Variants in NAALADL2 observed in about 807,000 individuals in gnomAD.
NAALADL2 encodes the protein inactive N-acetylated-alpha-linked acidic dipeptidase-like protein 2.
A neutral mutation model predicts 87.2 loss-of-function variants in NAALADL2; 76 were observed. The ratio of observed to expected loss-of-function variants is 0.87; its 90% CI spans 0.72 to 1.05. The LOEUF (loss-of-function observed/expected upper bound fraction) is 1.05. Among genes scored for constraint, NAALADL2 ranks in the 50% least tolerant of loss-of-function variants. NAALADL2 has a pLI of 0.00. For missense variants in NAALADL2, 1,089 were observed against 945.8 expected, an observed-to-expected ratio of 1.15 and a Z score of -1.99; for synonymous variants, 354 against 331.0, an observed-to-expected ratio of 1.07 and a Z score of -0.75.
At chr3:174,781,219 C>T (rs1278046569) in intron 3 of NAALADL2, among the ~76,000 whole-genome samples, 1 of 151,916 alleles carries the variant, frequency 6.6e-6, no homozygotes, top group Non-Finnish European at 1.5e-5. Context: ...CATTTTTTTC[C>T]TTCATTTCAA....
chr3:175,236,499 G>A (rs1188864079), intron 3 of NAALADL2, among the ~76,000 whole-genome samples: 2 of 143,702 alleles, frequency 1.4e-5, no homozygotes, highest in Non-Finnish European at 3.0e-5. Context: ...AGTCAGCCAA[G>A]ATTGCCCCAT....
intron 9 of NAALADL2, among the ~76,000 whole-genome samples, chr3:175,538,465 G>A (rs535051589): frequency 3.9e-5 from 6 of 151,994 alleles, no homozygotes; most frequent in Admixed American, 6.6e-5. Context: ...ATATAATGGT[G>A]TCTACATCAC....
chr3:175,542,126 T>G (rs1712458615), intron 9 of NAALADL2, among the ~76,000 whole-genome samples: 2 of 152,284 alleles, frequency 1.3e-5, no homozygotes, highest in Non-Finnish European at 2.9e-5. Flanking sequence ...TTATATGAAA[T>G]GACTGTTAGT....
chr3:174,472,668 G>C (rs1027033332), intron 1 of NAALADL2, among the ~76,000 whole-genome samples: 4 of 151,782 alleles, frequency 2.6e-5, no homozygotes, highest in African/African-American at 4.8e-5. Context: ...TTTTTTTGTT[G>C]TCATTGTCAT....
Position 175,577,878 on chromosome 3 carries a change from G to A in NAALADL2, c.1800+1691G>A, listed in dbSNP as rs986667980. Among the ~76,000 whole-genome samples, 16 of 152,036 alleles carry A rather than the reference G, an allele frequency of 1.1e-4. No homozygotes were observed. In the South Asian group the frequency reaches 2.3e-3, roughly 22 times the overall value. On this transcript the variant is annotated intron_variant, in intron 10 of 13. Transcript: ENST00000454872. Reference sequence around the variant, plus strand: ...AACCTATAATAGATATTGGTATACAGCTATTAAGAGGAATTTTAAATATTA... The same window carrying A: ...AACCTATAATAGATATTGGTATACAACTATTAAGAGGAATTTTAAATATTA...
At chr3:175,232,181 C>T (rs1024236007) in intron 2 of NAALADL2, among the ~76,000 whole-genome samples, 1 of 140,914 alleles carries the variant, frequency 7.1e-6, no homozygotes. Flanking sequence ...GGAGAAGGAG[C>T]AAGAGGAAGA....
At chr3:175,701,153 T>C (rs1738937974) in intron 11 of NAALADL2, among the ~76,000 whole-genome samples, 1 of 152,084 alleles carries the variant, frequency 6.6e-6, no homozygotes, top group South Asian at 2.1e-4. Context: ...AAGGAGAAGA[T>C]TTCAGGTCTG....
chr3:175,435,546 G>T (rs1718485001), intron 5 of NAALADL2, among the ~76,000 whole-genome samples: 1 of 151,932 alleles, frequency 6.6e-6, no homozygotes, highest in African/African-American at 2.4e-5. Flanking sequence ...TTAATTGACT[G>T]TCAAGTTTAG....
chr3:174,664,000 GCTGGTCTCGAACTC>G (rs1578470022), intron 2 of NAALADL2, among the ~76,000 whole-genome samples: 2 of 152,024 alleles, frequency 1.3e-5, no homozygotes, highest in Non-Finnish European at 1.5e-5. Context: ...TGTTGGTCAG[GCTGGTCTCGAACTC>G]CTGAACTCAG....
intron 9 of NAALADL2, among the ~76,000 whole-genome samples, chr3:175,525,205 A>G (rs965169414): frequency 6.6e-6 from 1 of 152,086 alleles, no homozygotes; most frequent in South Asian, 2.1e-4. Context: ...TTCATTTTTT[A>G]ACACTTCTGT....
intron 1 of NAALADL2, among the ~76,000 whole-genome samples, chr3:174,882,046 T>A (rs1281437880): frequency 6.6e-6 from 1 of 152,168 alleles, no homozygotes; most frequent in African/African-American, 2.4e-5. Context: ...TTTGTATAGC[T>A]TTAATAGTTT....
intron 2 of NAALADL2, among the ~76,000 whole-genome samples, chr3:175,209,399 T>C (rs12492978): frequency 0.094 from 14,253 of 152,046 alleles, 842 homozygotes; most frequent in East Asian, 0.2. Flanking sequence ...GCATAACTAG[T>C]ACATGGTTAT....
At chr3:175,749,839 T>C (rs1293182210) in intron 12 of NAALADL2, among the ~76,000 whole-genome samples, 1 of 152,178 alleles carries the variant, frequency 6.6e-6, no homozygotes, top group Non-Finnish European at 1.5e-5. Flanking sequence ...TTAACGGCCT[T>C]ACGCAGAAGT....
intron 3 of NAALADL2, among the ~76,000 whole-genome samples, chr3:174,842,157 T>C (rs1483130165): frequency 6.6e-6 from 1 of 151,992 alleles, no homozygotes; most frequent in Non-Finnish European, 1.5e-5. Flanking sequence ...GTTCAAGTGA[T>C]TCTCCTCCCT....
At chr3:175,796,742 AGT>A (rs1418752857) in intron 13 of NAALADL2, among the ~76,000 whole-genome samples, 1 of 152,216 alleles carries the variant, frequency 6.6e-6, no homozygotes, top group East Asian at 1.9e-4. Flanking sequence ...CTTATTATTT[AGT>A]GTGATTTCAT....
chr3:174,776,425 C>T (rs1715218881), intron 3 of NAALADL2, among the ~76,000 whole-genome samples: 1 of 152,124 alleles, frequency 6.6e-6, no homozygotes, highest in Non-Finnish European at 1.5e-5. Context: ...GTAAACGCCA[C>T]ACCTCCACAG....
At chr3:175,199,746 C>A (rs1739526774) in intron 2 of NAALADL2, among the ~76,000 whole-genome samples, 1 of 121,754 alleles carries the variant, frequency 8.2e-6, no homozygotes, top group Non-Finnish European at 1.8e-5. Flanking sequence ...CCTTGTGTGT[C>A]CAGGAAAACT....
chr3:174,776,749 C>T (rs988010899), intron 3 of NAALADL2, among the ~76,000 whole-genome samples: 4 of 152,160 alleles, frequency 2.6e-5, no homozygotes, highest in Middle Eastern at 3.4e-3. Flanking sequence ...ATACTTTTTA[C>T]GAATCATGGT....
intron 1 of NAALADL2, among the ~76,000 whole-genome samples, chr3:174,470,640 A>G (rs766409461): frequency 3.9e-5 from 6 of 152,040 alleles, no homozygotes; most frequent in Non-Finnish European, 8.8e-5. Flanking sequence ...ATCCTTCCTC[A>G]GTTAGTTTTT....
Sources: allele counts gnomAD v4.1 joint callset (sites outside exome capture counted in the v4.1 genomes callset), GRCh38; gene constraint gnomAD v4.1.1; transcripts MANE v1.5; gene names NCBI Gene and HGNC (gene_info 2026-07-23, HGNC 2026-07-21).